The following NARS1 variants were observed in gnomAD, a reference collection of about 807,000 sequenced individuals.
The protein encoded by NARS1 is asparaginyl-tRNA synthetase 1, also known as asparagine--tRNA ligase, cytoplasmic.
NARS1 carries 65 observed loss-of-function variants against 79.2 expected under a neutral mutation model. The observed-to-expected ratio is 0.82, with a 90% CI of 0.67 to 1.01. The LOEUF (loss-of-function observed/expected upper bound fraction) is 1.01. Among genes scored for constraint, NARS1 ranks in the 50% least tolerant of loss-of-function variants. The pLI is 0.00. For missense variants in NARS1, 649 were observed against 673.8 expected, an observed-to-expected ratio of 0.96 and a Z score of 0.41; for synonymous variants, 229 against 238.8, an observed-to-expected ratio of 0.96 and a Z score of 0.38.
Position 57,621,803 on chromosome 18 carries a change from G to A in NARS1, c.-86C>T. 2 of 1,601,580 alleles carry A rather than the reference G, an allele frequency of 1.2e-6. No individual in the cohort carries two copies. The highest frequency in any genetic ancestry group is 1.1e-5 in the South Asian group (1 of 89,690). Reference sequence around the variant, plus strand: ...ACTCCAACGTGCACCGGCGGTTTCCGCGATTCCGGCGTTGCATCAGAGAGC... The same window carrying A: ...ACTCCAACGTGCACCGGCGGTTTCCACGATTCCGGCGTTGCATCAGAGAGC... On this transcript the variant is annotated 5_prime_UTR_variant, in exon 1 of 14. Coordinates refer to ENST00000256854, the MANE Select transcript of NARS1 (RefSeq NM_004539.4).
chr18:57,613,779 A>C, intron 4 of NARS1, 99 bp from the exon 5 acceptor site: 1 of 970,324 alleles, frequency 1.0e-6, no homozygotes, highest in East Asian at 2.5e-5. Flanking sequence ...GTTAAAAATC[A>C]CAAATGGTGC....
chr18:57,620,441 ACTTTCCC>A, intron 2 of NARS1, 121 bp downstream of exon 2: 1 of 639,894 alleles, frequency 1.6e-6, no homozygotes, highest in Non-Finnish European at 2.8e-6. Context: ...TGCATTCCTT[ACTTTCCC>A]TTTTCTGAAA....
intron 8 of NARS1, 25 bp from the exon 9 acceptor site, chr18:57,607,358 AATCAATGCT>A: frequency 1.2e-6 from 2 of 1,611,998 alleles, no homozygotes; most frequent in East Asian, 4.5e-5. Context: ...AGAAGGAATA[AATCAATGCT>A]ATCGTGAGCA....
At chr18:57,618,859 G>A (rs1014589609) in intron 2 of NARS1, among the ~76,000 whole-genome samples, 3 of 152,034 alleles carry the variant, frequency 2.0e-5, no homozygotes, top group Non-Finnish European at 4.4e-5. Context: ...CCATGAATGC[G>A]CTACTGCACT....
intron 5 of NARS1, among the ~76,000 whole-genome samples, chr18:57,612,834 G>A (rs191437429): frequency 3.9e-5 from 6 of 152,158 alleles, no homozygotes; most frequent in African/African-American, 1.4e-4. Context: ...GGGGAAAGAG[G>A]AAACAAAATG....
At chr18:57,606,905 T>G in intron 9 of NARS1, 154 bp from the exon 10 acceptor site, 1 of 982,484 alleles carries the variant, frequency 1.0e-6, no homozygotes, top group African/African-American at 1.6e-5. Context: ...TCTTCTCCAC[T>G]GAGTAGCAAT....
chr18:57,617,921 A>G (rs996650341), intron 2 of NARS1, among the ~76,000 whole-genome samples: 1 of 150,980 alleles, frequency 6.6e-6, no homozygotes, highest in Non-Finnish European at 1.5e-5. Flanking sequence ...TTTCAAAAAA[A>G]AAAAAAAGAA....
At position 57,607,286 on chromosome 18, in the gene NARS1, T is replaced by G. The variant is rs913662135; in HGVS notation, c.849A>C (p.Thr283=). The part of the protein sequence containing the change: ...LVQTQVEGGA[T]LFKLDYFGEE... ...CCCCAAAATAGTCAAGCTTGAAGAG[T>G]GTGGCACCACCTTCTACTTGTGTTT... Residue 283 remains threonine, a synonymous_variant, in exon 9 of 14, where the codon ACA becomes ACC. Transcript: ENST00000256854. The G allele has an allele frequency of 1.2e-6, 2 of 1,614,056 alleles. No homozygotes were observed. Among genetic ancestry groups the G allele is most frequent in the Admixed American group, 1.7e-5 (1 of 60,000 alleles).
rs373955540 is a variant in NARS1 at position 57,605,906 on chromosome 18, T to G, written c.1202A>C (p.Lys401Thr). The G allele has an allele frequency of 5.1e-5, 82 of 1,613,466 alleles. No homozygotes were observed. The highest frequency in any genetic ancestry group is 6.1e-5 in the Non-Finnish European group (72 of 1,179,662). Residue 401 changes from lysine to threonine, a missense_variant, in exon 11 of 14, where the codon AAA becomes ACA. Transcript: ENST00000256854. ...MNYSDAIVWL[K>T]EHDVKKEDGT... is the part of the protein sequence containing the mutation. ...ATCTTCTTTCTTTACATCATGTTCT[T>G]TTAGCCAAACGATAGCATCTGAATA... is the stretch of plus-strand genomic sequence containing the variant.
intron 7 of NARS1, among the ~76,000 whole-genome samples, chr18:57,608,155 C>A (rs1361866165): frequency 6.6e-6 from 1 of 152,098 alleles, no homozygotes; most frequent in Non-Finnish European, 1.5e-5. Context: ...CATGAGCCAC[C>A]ATGCGCAGCC....
intron 11 of NARS1, among the ~76,000 whole-genome samples, chr18:57,605,390 C>T (rs547715897): frequency 1.5e-4 from 22 of 151,356 alleles, no homozygotes; most frequent in Middle Eastern, 3.4e-3. Flanking sequence ...GGGCAGATCA[C>T]GAGGTCAAGA....
At chr18:57,620,236 G>A (rs1908242293) in intron 2 of NARS1, among the ~76,000 whole-genome samples, 1 of 152,048 alleles carries the variant, frequency 6.6e-6, no homozygotes, top group Non-Finnish European at 1.5e-5. Context: ...GAGCCCCCTG[G>A]TCATGAGCTC....
rs75300252 is a variant in NARS1 at position 57,603,357 on chromosome 18, A to G, written c.1252-414T>C. 2.3e-3 allele frequency among the ~76,000 whole-genome samples: 329 copies of G among 142,990 alleles called. 3 individuals carry two copies. Among genetic ancestry groups the G allele is most frequent in the Admixed American group, 0.018 (253 of 14,344 alleles). The allele number at this position is 142,990 out of a possible 152,430, so 93.8% of individuals were successfully genotyped here. A position where few individuals can be genotyped will look rare whatever the true frequency, so the allele number is the denominator to read the frequency against. ...GGCATACGGTAATCATGAATGCTCC[A>G]GAACATCATTGATCTACACACAGAG... On this transcript the variant is annotated intron_variant, in intron 11 of 13. Coordinates refer to ENST00000256854, the MANE Select transcript of NARS1 (RefSeq NM_004539.4).
At chr18:57,602,664 G>T in intron 12 of NARS1, 148 bp downstream of exon 12, 3 of 1,204,428 alleles carry the variant, frequency 2.5e-6, no homozygotes, top group Non-Finnish European at 3.4e-6. Context: ...ACTTCAATCA[G>T]GGGAGGGTGA....
In NARS1 at chr18:57,615,725, T is replaced by C. The variant is rs761190519; in HGVS notation, c.258A>G (p.Glu86=). The C allele has an allele frequency of 6.8e-6, 11 of 1,612,006 alleles. No individual in the cohort carries two copies. Among genetic ancestry groups the C allele is most frequent in the South Asian group, 1.1e-5 (1 of 90,548 alleles). The change falls in exon 4 of 14, where the codon GAA becomes GAG. Residue 86 remains glutamate, a synonymous_variant. Coordinates refer to ENST00000256854, the MANE Select transcript of NARS1 (RefSeq NM_004539.4). ...KSESREKKEA[E]DSLRREKNLE... ...GGTTCTTTTCTCTTCGTAAACTATC[T>C]TCTGCCTAATTTTAATGATGAAGCA...
intron 1 of NARS1, 118 bp from the exon 2 acceptor site, chr18:57,620,769 C>A: frequency 1.8e-6 from 1 of 553,622 alleles, no homozygotes; most frequent in Non-Finnish European, 3.2e-6. Flanking sequence ...AAATTGAGGT[C>A]CATAAGTAAT....
Position 57,602,678 on chromosome 18 carries a change from A to G in NARS1, c.1383+134T>C, listed in dbSNP as rs139998448. On this transcript the variant is annotated intron_variant, in intron 12 of 13. Transcript: ENST00000256854. ...AACTTCAATCAGGGGAGGGTGAAAA[A>G]ACCCAACGTCTTTAAATATTGTTAT... 4.9e-5 allele frequency: 63 copies of G among 1,288,388 alleles called. No individual in the cohort carries two copies. In the African/African-American group the frequency reaches 9.4e-4, roughly 19 times the overall value. 79.8% of individuals were successfully genotyped at this position (1,288,388 alleles called of 1,614,324 possible).
chr18:57,602,100 C>T (rs1160888807), intron 13 of NARS1, among the ~76,000 whole-genome samples: 5 of 152,100 alleles, frequency 3.3e-5, no homozygotes, highest in Non-Finnish European at 7.3e-5. Context: ...GTACTAGATA[C>T]TGGTAGGATC....
intron 2 of NARS1, among the ~76,000 whole-genome samples, chr18:57,618,289 CAAAAAAA>C (rs34320460): frequency 8.1e-6 from 1 of 122,852 alleles, no homozygotes; most frequent in Non-Finnish European, 1.6e-5. Flanking sequence ...AACTCTGTCT[CAAAAAAA>C]AAAAAAAAAA....
Sources: gnomAD v4.1 joint callset for allele counts (sites outside exome capture counted in the v4.1 genomes callset) on GRCh38, gnomAD v4.1.1 for gene constraint, MANE v1.5 for transcripts, NCBI Gene and HGNC (gene_info 2026-07-23, HGNC 2026-07-21) for gene names.